The following KANK1 variants were observed in gnomAD, a reference collection of about 807,000 sequenced individuals.
KANK1 encodes the protein KN motif and ankyrin repeat domain-containing protein 1.
In KANK1, 109 loss-of-function variants were observed where a neutral mutation model predicts 106.2. The ratio of observed to expected loss-of-function variants is 1.03; its 90% CI spans 0.88 to 1.20. KANK1 has a LOEUF of 1.20. Ranked by LOEUF, KANK1 falls within the 50% of genes most tolerant of loss-of-function variation. The probability of loss-of-function intolerance (pLI) is 0.00; values close to 1 mark genes in which losing one functional copy is unlikely to be tolerated. For synonymous variants in KANK1, 873 were observed against 652.2 expected, an observed-to-expected ratio of 1.34 and a Z score of -5.16; for missense variants, 2,399 against 1,710.7, an observed-to-expected ratio of 1.40 and a Z score of -7.10.
chr9:528,152 A>C lies in KANK1; in HGVS notation c.-84+23398A>C, dbSNP rs889575855. Among the ~76,000 whole-genome samples, 7 of 152,092 alleles carry C rather than the reference A, an allele frequency of 4.6e-5. No homozygotes were observed. In the East Asian group the frequency reaches 7.7e-4, roughly 17 times the overall value. On this transcript the variant is annotated intron_variant, in intron 1 of 11. Coordinates refer to ENST00000382297, the MANE Select transcript of KANK1 (RefSeq NM_015158.5). ...ACTCCGTCTCGGGAAAAAAAAAAAA[A>C]AAACTTTTTAGGATTTTTCTTTTTG...
intron 1 of KANK1, among the ~76,000 whole-genome samples, chr9:521,216 C>T (rs998567943): frequency 6.6e-6 from 1 of 151,758 alleles, no homozygotes; most frequent in African/African-American, 2.4e-5. Flanking sequence ...ATTGGTTATT[C>T]ACCATCTACA....
intron 1 of KANK1, among the ~76,000 whole-genome samples, chr9:652,260 C>T (rs536943240): frequency 3.4e-4 from 52 of 152,182 alleles, no homozygotes; most frequent in African/African-American, 1.2e-3. Context: ...ACGGTTTACT[C>T]CTGTAATCCC....
rs2058744393 is a variant in KANK1, at chr9:506,086, A to G, written c.-84+1332A>G. On this transcript the variant is annotated intron_variant, in intron 1 of 11. Coordinates refer to ENST00000382297, the MANE Select transcript of KANK1 (RefSeq NM_015158.5). ...TCAGTGGTTTTTAATATATCCGTAA[A>G]GTTATGAAATCATCACTACCATCTG... is the stretch of plus-strand genomic sequence containing the variant. Among the ~76,000 whole-genome samples, 3 of 152,294 alleles carry G rather than the reference A, an allele frequency of 2.0e-5. No homozygotes were observed. The South Asian group carries it at 6.2e-4, about 32-fold the overall frequency.
rs369313470 is a variant in KANK1 at position 528,956 on chromosome 9, C to T, written c.-84+24202C>T. On this transcript the variant is annotated intron_variant, in intron 1 of 11. Transcript: ENST00000382297. ...CTGGGACTACAGGTGCATACCACCA[C>T]GTCCAGCTAATTTATTATTTGTTGT... Among the ~76,000 whole-genome samples, 5 of 152,154 alleles carry T rather than the reference C, an allele frequency of 3.3e-5. No individual in the cohort carries two copies. In the East Asian group the frequency reaches 5.8e-4, roughly 18 times the overall value.
Position 675,228 on chromosome 9 carries a change from T to G in KANK1, c.-83-1662T>G, listed in dbSNP as rs141126824. Among the ~76,000 whole-genome samples, 499 of 152,312 alleles carry G rather than the reference T, an allele frequency of 3.3e-3. 10 individuals are homozygous for G. Among genetic ancestry groups the G allele is most frequent in the East Asian group, 4.6e-3 (24 of 5,184 alleles). On this transcript the variant is annotated intron_variant, in intron 1 of 11. Transcript: ENST00000382297. ...ACCAACATACTTTGAATATTTTGCC[T>G]TATTAAAAACTTATATGATTTCAAT...
chr9:501,953 A>G (rs1453669961), upstream of KANK1, among the ~76,000 whole-genome samples: 3 of 152,228 alleles, frequency 2.0e-5, no homozygotes, highest in South Asian at 2.1e-4. Flanking sequence ...GGTTCTATTC[A>G]AAGATTGTTC....
intron 1 of KANK1, among the ~76,000 whole-genome samples, chr9:570,223 T>C (rs1818827772): frequency 6.6e-6 from 1 of 152,204 alleles, no homozygotes; most frequent in South Asian, 2.1e-4. Context: ...CAAAATGTTT[T>C]TGTGGAGATA....
chr9:471,903 C>T (rs2058028234), intron 2 of KANK1, among the ~76,000 whole-genome samples: 2 of 152,068 alleles, frequency 1.3e-5, no homozygotes, highest in African/African-American at 4.8e-5. Flanking sequence ...GATATGTGAG[C>T]CGGTCACCAG....
At chr9:608,259 G>A (rs1256103099) in intron 1 of KANK1, among the ~76,000 whole-genome samples, 5 of 150,626 alleles carry the variant, frequency 3.3e-5, no homozygotes, top group East Asian at 1.9e-4. Context: ...GGATGGTCTC[G>A]ATCTCCTGAC....
At chr9:696,186 A>G (rs902583363) in intron 2 of KANK1, among the ~76,000 whole-genome samples, 1 of 151,796 alleles carries the variant, frequency 6.6e-6, no homozygotes, top group African/African-American at 2.4e-5. Context: ...CGGGAGGCTG[A>G]GGCAGGAGAA....
At chr9:708,517 T>C (rs1432314937) in intron 2 of KANK1, among the ~76,000 whole-genome samples, 3 of 152,204 alleles carry the variant, frequency 2.0e-5, no homozygotes, top group African/African-American at 7.2e-5. Context: ...AGCAATTTAA[T>C]ATTGTTTTAA....
chr9:512,062 A>G (rs1221008841), intron 1 of KANK1, among the ~76,000 whole-genome samples: 4 of 152,170 alleles, frequency 2.6e-5, no homozygotes, highest in African/African-American at 9.7e-5. Flanking sequence ...TGCTGGGCTC[A>G]GCAATGACTG....
intron 1 of KANK1, among the ~76,000 whole-genome samples, chr9:585,258 G>A (rs533164851): frequency 3.3e-5 from 5 of 152,246 alleles, no homozygotes; most frequent in African/African-American, 1.2e-4. Context: ...ATCTTTGCCC[G>A]CTGTGCATCA....
chr9:563,543 T>G (rs575997240), intron 1 of KANK1, among the ~76,000 whole-genome samples: 132 of 152,368 alleles, frequency 8.7e-4, no homozygotes, highest in African/African-American at 3.1e-3. Flanking sequence ...TTTGCATTGT[T>G]GAAACAATCC....
intron 3 of KANK1, among the ~76,000 whole-genome samples, chr9:473,970 T>G (rs2058063481): frequency 6.6e-6 from 1 of 151,988 alleles, no homozygotes; most frequent in Non-Finnish European, 1.5e-5. Flanking sequence ...AGTTCTGGGA[T>G]TATAGGTGTG....
intron 1 of KANK1, among the ~76,000 whole-genome samples, chr9:618,950 C>G (rs1832513172): frequency 6.6e-6 from 1 of 152,126 alleles, no homozygotes; most frequent in Non-Finnish European, 1.5e-5. Context: ...AGAAAATAAC[C>G]TCACTACTTA....
At chr9:532,572 A>G (rs945497103) in intron 1 of KANK1, among the ~76,000 whole-genome samples, 1 of 151,422 alleles carries the variant, frequency 6.6e-6, no homozygotes, top group African/African-American at 2.4e-5. Context: ...CAACCATTCT[A>G]CGTTCTAACT....
At chr9:528,597 T>G (rs936347063) in intron 1 of KANK1, among the ~76,000 whole-genome samples, 1 of 145,944 alleles carries the variant, frequency 6.9e-6, no homozygotes, top group Non-Finnish European at 1.5e-5. Flanking sequence ...GAAGCAATTC[T>G]CCAGTCTCAG....
rs149011172 is a variant in KANK1, at chr9:712,373, C to G, written c.1607C>G (p.Thr536Arg). Residue 536 changes from threonine (T) to arginine (R), a missense_variant, in exon 3 of 12, where the codon ACG (threonine) becomes AGG (arginine). Coordinates refer to ENST00000382297, the MANE Select transcript of KANK1 (RefSeq NM_015158.5). ...MVGSHMDLVD[T>R]CVGTSVETNS... Reference sequence around the variant, plus strand: ...GGCAGTCACATGGACCTGGTGGACACGTGTGTTGGGACCTCCGTGGAAACA... The same window carrying G: ...GGCAGTCACATGGACCTGGTGGACAGGTGTGTTGGGACCTCCGTGGAAACA... 5 of 1,614,034 alleles carry G rather than the reference C, an allele frequency of 3.1e-6. No individual in the cohort carries two copies. The African/African-American group carries it at 6.7e-5, about 22-fold the overall frequency.
Sources: allele counts gnomAD v4.1 joint callset (sites outside exome capture counted in the v4.1 genomes callset), GRCh38; gene constraint gnomAD v4.1.1; transcripts MANE v1.5; gene names NCBI Gene and HGNC (gene_info 2026-07-23, HGNC 2026-07-21).